Variants in INSL6 observed in about 807,000 individuals in gnomAD.
The protein encoded by INSL6 is insulin like 6, also known as insulin-like peptide INSL6.
Under a neutral mutation model 9.4 loss-of-function variants are expected in INSL6, and 16 were observed. The observed-to-expected ratio is 1.70, with a 90% CI of 1.15 to 2.59. INSL6 has a LOEUF of 2.59. Ranked by LOEUF, INSL6 falls within the 30% of genes most tolerant of loss-of-function variation. The pLI, the probability that INSL6 is intolerant of heterozygous loss-of-function variation, is 0.00. For missense variants in INSL6, 391 were observed against 257.3 expected, an observed-to-expected ratio of 1.52 and a Z score of -3.56; for synonymous variants, 154 against 96.9, an observed-to-expected ratio of 1.59 and a Z score of -3.46.
At chr9:5,099,890 C>T in the INSL6 span, 1 of 152,220 alleles carries the variant, frequency 6.6e-6, no homozygotes, top group African/African-American at 2.4e-5. Context: ...TGAGCAGGCG[C>T]AGTAATTACA....
the INSL6 span, chr9:5,050,870 T>C: frequency 6.6e-7 from 1 of 1,523,222 alleles, no homozygotes; most frequent in Non-Finnish European, 9.1e-7. Context: ...TAAGTGTGAG[T>C]AGAGATTTTA....
chr9:5,135,386 A>C (rs7040136), intron 2 of INSL6, among the ~76,000 whole-genome samples: 57,801 of 151,846 alleles, frequency 0.38, 12,361 homozygotes, highest in African/African-American at 0.6. Context: ...TAAAACACTC[A>C]TCAGCAAATG....
At chr9:5,087,695 C>T in the INSL6 span, among the ~76,000 whole-genome samples, 1 of 152,134 alleles carries the variant, frequency 6.6e-6, no homozygotes, top group African/African-American at 2.4e-5. Flanking sequence ...TATACATTTT[C>T]CCACTGCTTA....
chr9:5,113,191 C>CT, the INSL6 span, among the ~76,000 whole-genome samples: 404 of 57,188 alleles, frequency 7.1e-3, 13 homozygotes, highest in East Asian at 0.02. Context: ...CTGGCAGGAG[C>CT]TTTTTTTTTT....
At chr9:5,087,433 T>C in the INSL6 span, among the ~76,000 whole-genome samples, 4 of 152,228 alleles carry the variant, frequency 2.6e-5, no homozygotes, top group South Asian at 4.1e-4. Flanking sequence ...GGGTTTACAA[T>C]TCAAGATGAG....
chr9:5,106,899 G>C, the INSL6 span, among the ~76,000 whole-genome samples: 64 of 152,070 alleles, frequency 4.2e-4, no homozygotes, highest in African/African-American at 1.5e-3. Flanking sequence ...GGGCCCGGGG[G>C]AGGGATAGCA....
chr9:5,153,384 A>G (rs1299927803), intron 2 of INSL6, among the ~76,000 whole-genome samples: 2 of 152,178 alleles, frequency 1.3e-5, no homozygotes, highest in Non-Finnish European at 1.5e-5. Context: ...CTGAGGCTTG[A>G]GTAGGTGGTT....
chr9:5,054,817 T>C, the INSL6 span: 1 of 1,612,710 alleles, frequency 6.2e-7, no homozygotes, highest in Non-Finnish European at 8.5e-7. The surrounding 1 kb of genome is among the most constrained non-coding windows in gnomAD (Gnocchi z 4.9). Flanking sequence ...ACCATTATAA[T>C]AACTGGAAAC....
chr9:5,019,728 G>C, the INSL6 span, among the ~76,000 whole-genome samples: 1 of 152,146 alleles, frequency 6.6e-6, no homozygotes. Context: ...TGGGGTGTTT[G>C]TTGGCCAGGG....
intron 2 of INSL6, among the ~76,000 whole-genome samples, chr9:5,141,080 T>TGTG (rs1824487136): frequency 6.6e-6 from 1 of 152,250 alleles, no homozygotes; most frequent in Non-Finnish European, 1.5e-5. Context: ...ATGGTGTATA[T>TGTG]GTACCACATT....
At chr9:5,138,911 A>T (rs1430730987) in intron 2 of INSL6, among the ~76,000 whole-genome samples, 5 of 132,772 alleles carry the variant, frequency 3.8e-5, no homozygotes, top group Non-Finnish European at 8.0e-5. Context: ...CACAAAAAAA[A>T]TAAATATAAT....
chr9:5,066,437 T>A, the INSL6 span, among the ~76,000 whole-genome samples: 1 of 152,150 alleles, frequency 6.6e-6, no homozygotes, highest in African/African-American at 2.4e-5. Flanking sequence ...TGTGATTTTG[T>A]CTTATAAATA....
chr9:5,062,742 A>G, the INSL6 span, among the ~76,000 whole-genome samples: 2 of 152,036 alleles, frequency 1.3e-5, no homozygotes. Context: ...GATGTTATCA[A>G]TCTTTTAATT....
chr9:5,076,166 GTGA>G, the INSL6 span, among the ~76,000 whole-genome samples: 2 of 152,198 alleles, frequency 1.3e-5, no homozygotes, highest in Non-Finnish European at 2.9e-5. Context: ...TCTACTCCTA[GTGA>G]TGATGCTGTG....
chr9:5,146,779 G>T (rs575716785), intron 2 of INSL6, among the ~76,000 whole-genome samples: 1 of 152,326 alleles, frequency 6.6e-6, no homozygotes, highest in South Asian at 2.1e-4. Context: ...GGGTTTGGGG[G>T]AAGCTTCAGT....
the INSL6 span, among the ~76,000 whole-genome samples, chr9:5,038,241 C>CT: frequency 1.3e-5 from 2 of 151,934 alleles, no homozygotes; most frequent in African/African-American, 4.8e-5. Flanking sequence ...ATAGGAACTG[C>CT]TAAAAGAAAG....
At chr9:5,098,676 T>C in the INSL6 span, 8 of 152,140 alleles carry the variant, frequency 5.3e-5, no homozygotes, top group African/African-American at 1.4e-4. Flanking sequence ...ATATAGACTA[T>C]GAAGAATTAA....
At chr9:5,014,779 A>C in the INSL6 span, among the ~76,000 whole-genome samples, 1 of 152,230 alleles carries the variant, frequency 6.6e-6, no homozygotes, top group African/African-American at 2.4e-5. Flanking sequence ...TTAAACACCC[A>C]TGAAACTACC....
chr9:5,089,459 A>T, the INSL6 span, among the ~76,000 whole-genome samples: 13 of 145,528 alleles, frequency 8.9e-5, no homozygotes, highest in African/African-American at 3.1e-4. Context: ...AATGGTGTGA[A>T]CCCAGGGGGC....
Sources: gnomAD v4.1 joint callset for allele counts (sites outside exome capture counted in the v4.1 genomes callset) on GRCh38, gnomAD v4.1.1 for gene constraint, Gnocchi (gnomAD v3.1) non-coding constraint, MANE v1.5 for transcripts, NCBI Gene and HGNC (gene_info 2026-07-23, HGNC 2026-07-21) for gene names.